The following CNTN5 variants were observed in gnomAD, a reference collection of about 807,000 sequenced individuals.
The protein encoded by CNTN5 is contactin 5.
CNTN5 carries 77 observed loss-of-function variants against 129.1 expected under a neutral mutation model. That is an observed-to-expected ratio of 0.60 (90% CI 0.50 to 0.72). CNTN5 has a LOEUF of 0.72. Ranked by LOEUF, CNTN5 falls within the 30% of genes least tolerant of loss-of-function variation. The pLI, the probability that CNTN5 is intolerant of heterozygous loss-of-function variation, is 0.00. For missense variants in CNTN5, 1,478 were observed against 1,328.8 expected, an observed-to-expected ratio of 1.11 and a Z score of -1.75; for synonymous variants, 509 against 465.6, an observed-to-expected ratio of 1.09 and a Z score of -1.20.
intron 16 of CNTN5, among the ~76,000 whole-genome samples, chr11:100,238,414 A>G (rs1357607639): frequency 8.0e-6 from 1 of 125,056 alleles, no homozygotes; most frequent in Non-Finnish European, 1.8e-5. Context: ...TTGTCAAAAA[A>G]AAAAAAAAAA....
intron 2 of CNTN5, among the ~76,000 whole-genome samples, chr11:99,467,891 T>C (rs942954474): frequency 3.9e-5 from 6 of 152,122 alleles, no homozygotes; most frequent in Admixed American, 3.3e-4. Context: ...AGCTTTTTGC[T>C]GATATTTTTA....
rs150319991 is a variant in CNTN5, at chr11:100,181,920, T to A, written c.1581-9206T>A. On this transcript the variant is annotated intron_variant, in intron 13 of 24. Transcript: ENST00000524871. ...GTTATATGACTCACTGAAGTTCCAATCAAAATCTCAGCATGCCTTTTTAGA... is the reference window on the plus strand; with the variant it reads ...GTTATATGACTCACTGAAGTTCCAAACAAAATCTCAGCATGCCTTTTTAGA... 6.9e-3 allele frequency among the ~76,000 whole-genome samples: 1,054 copies of A among 152,134 alleles called. 8 individuals carry two copies. The highest frequency in any genetic ancestry group is 9.9e-3 in the Non-Finnish European group (673 of 67,954).
At chr11:100,118,035 T>C (rs1258546871) in intron 13 of CNTN5, among the ~76,000 whole-genome samples, 1 of 151,802 alleles carries the variant, frequency 6.6e-6, no homozygotes, top group Non-Finnish European at 1.5e-5. Flanking sequence ...GCAGTTGTTT[T>C]TTTTTTCCCT....
intron 2 of CNTN5, among the ~76,000 whole-genome samples, chr11:99,341,824 C>T (rs1423984881): frequency 6.6e-6 from 1 of 152,110 alleles, no homozygotes; most frequent in Non-Finnish European, 1.5e-5. Flanking sequence ...CATGAACAGG[C>T]CTTGAGTCCA....
intron 6 of CNTN5, among the ~76,000 whole-genome samples, chr11:99,901,281 G>T (rs771641508): frequency 1.3e-5 from 2 of 152,026 alleles, no homozygotes; most frequent in East Asian, 3.9e-4. Context: ...ACTTCTTTTG[G>T]TCATACATTT....
chr11:100,127,708 G>A (rs1946240695), intron 13 of CNTN5, among the ~76,000 whole-genome samples: 1 of 136,772 alleles, frequency 7.3e-6, no homozygotes, highest in Admixed American at 7.8e-5. Context: ...ACCCAGGCTG[G>A]AGTGCAATGG....
intron 1 of CNTN5, among the ~76,000 whole-genome samples, chr11:99,042,515 A>G (rs1864036164): frequency 6.6e-6 from 1 of 151,540 alleles, no homozygotes; most frequent in African/African-American, 2.4e-5. Flanking sequence ...AGCTGGGACT[A>G]CAGGCGCCCG....
At chr11:99,251,498 A>T (rs1862101811) in intron 1 of CNTN5, among the ~76,000 whole-genome samples, 1 of 151,870 alleles carries the variant, frequency 6.6e-6, no homozygotes, top group African/African-American at 2.4e-5. Flanking sequence ...TGTGTAACCC[A>T]ATACTCAATT....
At chr11:100,075,841 A>T (rs1382840387) in intron 13 of CNTN5, among the ~76,000 whole-genome samples, 4 of 152,142 alleles carry the variant, frequency 2.6e-5, no homozygotes, top group Admixed American at 6.6e-5. Flanking sequence ...GAGAAAGAGG[A>T]GTTTGAAACG....
chr11:99,321,401 A>C (rs1357171960), intron 1 of CNTN5, among the ~76,000 whole-genome samples: 1 of 151,214 alleles, frequency 6.6e-6, no homozygotes, highest in African/African-American at 2.4e-5. Context: ...AATGTATTCA[A>C]TACTGTTTTT....
intron 2 of CNTN5, among the ~76,000 whole-genome samples, chr11:99,342,410 A>G (rs759335523): frequency 4.7e-4 from 72 of 151,828 alleles, no homozygotes; most frequent in Middle Eastern, 6.8e-3. Flanking sequence ...TTATTTTTTT[A>G]TAAAATTTGA....
chr11:99,185,470 G>A (rs1291772538), intron 1 of CNTN5, among the ~76,000 whole-genome samples: 1 of 151,824 alleles, frequency 6.6e-6, no homozygotes, highest in Non-Finnish European at 1.5e-5. Context: ...AAAATATCTT[G>A]ATTTCTTTGA....
At chr11:99,617,311 G>A (rs1004030027) in intron 3 of CNTN5, among the ~76,000 whole-genome samples, 1 of 152,116 alleles carries the variant, frequency 6.6e-6, no homozygotes, top group Non-Finnish European at 1.5e-5. Flanking sequence ...TGAAGGGGAT[G>A]GTGACAGGTA....
chr11:99,336,034 G>A (rs1266432912), intron 2 of CNTN5, among the ~76,000 whole-genome samples: 11 of 149,384 alleles, frequency 7.4e-5, no homozygotes, highest in African/African-American at 2.7e-4. Context: ...CCTTATTCTT[G>A]GATAAAAAAA....
intron 4 of CNTN5, among the ~76,000 whole-genome samples, chr11:99,821,525 T>A (rs567217088): frequency 1.3e-5 from 2 of 152,266 alleles, no homozygotes; most frequent in South Asian, 4.1e-4. Context: ...TTAGACAATT[T>A]TTTTTTTCTG....
At chr11:99,121,131 CTTTCTTTTTTTT>C (rs936097659) in intron 1 of CNTN5, among the ~76,000 whole-genome samples, 3 of 122,870 alleles carry the variant, frequency 2.4e-5, no homozygotes, top group Admixed American at 8.2e-5. Context: ...TTCTTTCTTT[CTTTCTTTTTTTT>C]TTTTTTTTTG....
At chr11:100,020,483 G>A (rs562334212) in intron 9 of CNTN5, among the ~76,000 whole-genome samples, 62 of 152,044 alleles carry the variant, frequency 4.1e-4, no homozygotes, top group Admixed American at 7.2e-4. Context: ...TCTTCCATAT[G>A]CCTATATGTC....
intron 3 of CNTN5, among the ~76,000 whole-genome samples, chr11:99,790,741 T>A (rs1172580375): frequency 6.6e-6 from 1 of 152,096 alleles, no homozygotes; most frequent in African/African-American, 2.4e-5. Context: ...CTCTGAGAAA[T>A]TGTCAAACAA....
Position 99,818,925 on chromosome 11 carries a change from C to G in CNTN5, c.56-619C>G, listed in dbSNP as rs189109260. Among the ~76,000 whole-genome samples the G allele has an allele frequency of 9.6e-3, 1,462 of 151,862 alleles. 12 individuals carry two copies. Among genetic ancestry groups the G allele is most frequent in the Non-Finnish European group, 0.015 (1,006 of 67,968 alleles). ...TAAATTTCATTCATTTTTTTATGTA[C>G]CAGAGTGAATTTGACTACTTTTCAA... is the stretch of plus-strand genomic sequence containing the variant. On this transcript the variant is annotated intron_variant, in intron 3 of 24. Transcript: ENST00000524871.
Sources: gnomAD v4.1 joint callset for allele counts (sites outside exome capture counted in the v4.1 genomes callset) on GRCh38, gnomAD v4.1.1 for gene constraint, MANE v1.5 for transcripts, NCBI Gene and HGNC (gene_info 2026-07-23, HGNC 2026-07-21) for gene names.